LOC128462377: variants seen among roughly 807,000 people sequenced by gnomAD.
the LOC128462377 span, among the ~76,000 whole-genome samples, chr16:89,338,229 C>T: frequency 6.6e-6 from 1 of 152,108 alleles, no homozygotes; most frequent in African/African-American, 2.4e-5. Context: ...CCCAGCACGT[C>T]CACTCAGTGT....
chr16:89,355,200 C>G, the LOC128462377 span, among the ~76,000 whole-genome samples: 35 of 152,104 alleles, frequency 2.3e-4, no homozygotes, highest in African/African-American at 4.8e-5. Context: ...GCTGGTGATG[C>G]TCGGGAGGCG....
the LOC128462377 span, among the ~76,000 whole-genome samples, chr16:89,413,595 A>G: frequency 1.3e-5 from 2 of 152,234 alleles, no homozygotes; most frequent in African/African-American, 4.8e-5. Context: ...ACTGCACTCC[A>G]GCCTGGGCGA....
the LOC128462377 span, among the ~76,000 whole-genome samples, chr16:89,384,649 G>A: frequency 2.0e-5 from 3 of 152,106 alleles, no homozygotes; most frequent in Admixed American, 6.6e-5. Flanking sequence ...TGGCACTGAC[G>A]GCTTCAAAGG....
the LOC128462377 span, among the ~76,000 whole-genome samples, chr16:89,387,288 C>G: frequency 7.9e-5 from 12 of 151,420 alleles, no homozygotes; most frequent in Non-Finnish European, 1.2e-4. Flanking sequence ...GCCCCTCGAA[C>G]AGAAGGAAGG....
At chr16:89,371,909 C>T in the LOC128462377 span, among the ~76,000 whole-genome samples, 2 of 152,228 alleles carry the variant, frequency 1.3e-5, no homozygotes, top group African/African-American at 4.8e-5. Flanking sequence ...TCAAGAGGAA[C>T]TCTACTGACT....
chr16:89,384,883 T>TC, the LOC128462377 span, among the ~76,000 whole-genome samples: 170 of 33,192 alleles, frequency 5.1e-3, 4 homozygotes, highest in African/African-American at 0.016. Flanking sequence ...AGTTTTCTTT[T>TC]TTTTTTTTTT....
the LOC128462377 span, among the ~76,000 whole-genome samples, chr16:89,416,254 T>C: frequency 3.7e-4 from 57 of 152,258 alleles, 1 homozygote; most frequent in South Asian, 5.8e-3. Flanking sequence ...GAGTTGCTGA[T>C]AGCTTGCTCC....
chr16:89,339,923 G>T, the LOC128462377 span: 1 of 152,178 alleles, frequency 6.6e-6, no homozygotes, highest in Non-Finnish European at 1.5e-5. Flanking sequence ...GTAACGCATT[G>T]GACGGTTCCT....
At chr16:89,331,408 G>A in the LOC128462377 span, among the ~76,000 whole-genome samples, 1 of 152,104 alleles carries the variant, frequency 6.6e-6, no homozygotes, top group African/African-American at 2.4e-5. Flanking sequence ...TGACAAACAG[G>A]CAAAAATCCC....
the LOC128462377 span, among the ~76,000 whole-genome samples, chr16:89,388,293 A>ATTTTTT: frequency 3.3e-3 from 278 of 85,272 alleles, 26 homozygotes; most frequent in South Asian, 0.011. Context: ...CATGAGGCTG[A>ATTTTTT]TTTTTTTTTT....
At chr16:89,397,369 T>G in the LOC128462377 span, among the ~76,000 whole-genome samples, 1 of 152,232 alleles carries the variant, frequency 6.6e-6, no homozygotes, top group African/African-American at 2.4e-5. Context: ...ATTTACAAAA[T>G]CTGAGTTTTC....
At chr16:89,365,900 CCT>C in the LOC128462377 span, among the ~76,000 whole-genome samples, 4,458 of 152,164 alleles carry the variant, frequency 0.029, 150 homozygotes, top group African/African-American at 0.075. Context: ...TCTGCTGGTC[CCT>C]CTCTGTGTCC....
chr16:89,323,115 G>A, the LOC128462377 span: 1 of 330,384 alleles, frequency 3.0e-6, no homozygotes, highest in South Asian at 2.3e-5. Context: ...CCTGCCGGCT[G>A]TTGTGCGCTC....
At chr16:89,353,645 T>C in the LOC128462377 span, among the ~76,000 whole-genome samples, 1 of 152,032 alleles carries the variant, frequency 6.6e-6, no homozygotes, top group African/African-American at 2.4e-5. Flanking sequence ...GCTTGCCTAA[T>C]TTCTTTGTAT....
At chr16:89,371,358 T>A in the LOC128462377 span, among the ~76,000 whole-genome samples, 1 of 152,240 alleles carries the variant, frequency 6.6e-6, no homozygotes, top group Non-Finnish European at 1.5e-5. Flanking sequence ...GTGTCCATTC[T>A]ACCATTTGGT....
chr16:89,334,167 A>AC, the LOC128462377 span, among the ~76,000 whole-genome samples: 6 of 146,326 alleles, frequency 4.1e-5, no homozygotes. Context: ...AAAAAAAAAA[A>AC]AAAAAACAGA....
the LOC128462377 span, among the ~76,000 whole-genome samples, chr16:89,377,879 C>G: frequency 2.0e-5 from 3 of 151,910 alleles, no homozygotes; most frequent in Non-Finnish European, 4.4e-5. Context: ...CCCATGAGAA[C>G]AGCATGACCA....
chr16:89,343,145 C>T, the LOC128462377 span, among the ~76,000 whole-genome samples: 1 of 152,176 alleles, frequency 6.6e-6, no homozygotes, highest in African/African-American at 2.4e-5. Flanking sequence ...TGTGCCACCA[C>T]GCCTGGCTCA....
the LOC128462377 span, among the ~76,000 whole-genome samples, chr16:89,365,088 C>T: frequency 6.6e-6 from 1 of 152,140 alleles, no homozygotes; most frequent in Admixed American, 6.6e-5. Flanking sequence ...ATAAAATGGC[C>T]TCAAAAGTGA....
Sources: gnomAD v4.1 joint callset for allele counts (sites outside exome capture counted in the v4.1 genomes callset) on GRCh38, gnomAD v4.1.1 for gene constraint, MANE v1.5 for transcripts.